NUP93: variants seen among roughly 807,000 people sequenced by gnomAD.
The protein encoded by NUP93 is nuclear pore complex protein Nup93.
A neutral mutation model predicts 107.8 loss-of-function variants in NUP93; 55 were observed. The observed-to-expected ratio is 0.51, with a 90% CI of 0.41 to 0.64. The LOEUF is 0.64. Ranked by LOEUF, NUP93 falls within the 30% of genes least tolerant of loss-of-function variation. The pLI is 0.00. For missense variants in NUP93, 937 were observed against 1,044.7 expected (o/e 0.90, Z 1.42); for synonymous variants, 390 against 397.5 (o/e 0.98, Z 0.22).
intron 5 of NUP93, among the ~76,000 whole-genome samples, chr16:56,817,627 A>G (rs1963460056): frequency 6.6e-6 from 1 of 152,216 alleles, no homozygotes; most frequent in South Asian, 2.1e-4. Flanking sequence ...AAGCTTGGCT[A>G]AAGATGAATA....
At chr16:56,758,403 A>G (rs1176122678) in intron 2 of NUP93, 135 bp from the exon 3 acceptor site, 2 of 676,408 alleles carry the variant, frequency 3.0e-6, no homozygotes, top group Non-Finnish European at 5.3e-6. Context: ...ACAACTATGT[A>G]AAAGTGTCTG....
Position 56,813,838 on chromosome 16 carries a change from C to T in NUP93, c.490-4826C>T, listed in dbSNP as rs116833596. Among the ~76,000 whole-genome samples, 445 of 152,276 alleles carry T rather than the reference C, an allele frequency of 2.9e-3. 3 individuals carry two copies. Among genetic ancestry groups the T allele is most frequent in the African/African-American group, 0.01 (425 of 41,540 alleles). On this transcript the variant is annotated intron_variant, in intron 5 of 21. Coordinates refer to ENST00000308159, the MANE Select transcript of NUP93 (RefSeq NM_014669.5). ...AGGTGTCTGTCGTTTTTTAGTAGTTCTAATAGTGTTCCAGCCTATGTGTGG... is the reference window on the plus strand; with the variant it reads ...AGGTGTCTGTCGTTTTTTAGTAGTTTTAATAGTGTTCCAGCCTATGTGTGG...
intron 18 of NUP93, among the ~76,000 whole-genome samples, chr16:56,838,697 C>G (rs1323573946): frequency 1.3e-5 from 2 of 152,268 alleles, no homozygotes; most frequent in Admixed American, 6.5e-5. Flanking sequence ...TCCTGAGTAA[C>G]TAGGACTACA....
rs113669783 is a variant in NUP93 at position 56,818,456 on chromosome 16, A to G, written c.490-208A>G. 4.5e-3 allele frequency among the ~76,000 whole-genome samples: 683 copies of G among 152,294 alleles called. 6 individuals carry two copies. The highest frequency in any genetic ancestry group is 0.016 in the African/African-American group (659 of 41,574). On this transcript the variant is annotated intron_variant, in intron 5 of 21. Coordinates refer to ENST00000308159, the MANE Select transcript of NUP93 (RefSeq NM_014669.5). ...CCCCTCACTCTTTTTTAGTTAATCCAATCTCATGCCTGCTCTCTTCTCATG... is the reference window on the plus strand; with the variant it reads ...CCCCTCACTCTTTTTTAGTTAATCCGATCTCATGCCTGCTCTCTTCTCATG...
At chr16:56,816,332 G>A (rs1963431514) in intron 5 of NUP93, among the ~76,000 whole-genome samples, 1 of 152,184 alleles carries the variant, frequency 6.6e-6, no homozygotes, top group African/African-American at 2.4e-5. Flanking sequence ...GCTGTGACAG[G>A]TGGAAACCTT....
chr16:56,796,822 C>G (rs1962909142), intron 3 of NUP93, among the ~76,000 whole-genome samples: 1 of 152,026 alleles, frequency 6.6e-6, no homozygotes, highest in African/African-American at 2.4e-5. Context: ...ACTAAGAATA[C>G]AAAAATTAGC....
intron 2 of NUP93, among the ~76,000 whole-genome samples, chr16:56,754,516 G>A (rs1961982177): frequency 6.6e-6 from 1 of 152,234 alleles, no homozygotes; most frequent in Non-Finnish European, 1.5e-5. Flanking sequence ...AAGATACAAT[G>A]GGGGTACAGG....
chr16:56,800,759 G>A (rs1270475357), intron 4 of NUP93, among the ~76,000 whole-genome samples: 1 of 152,184 alleles, frequency 6.6e-6, no homozygotes, highest in Non-Finnish European at 1.5e-5. Flanking sequence ...TTCCCCATTT[G>A]GTACATCCAG....
Position 56,821,567 on chromosome 16 carries a change from G to C in NUP93, c.628G>C (p.Ala210Pro), listed in dbSNP as rs779332625. 1.2e-6 allele frequency: 2 copies of C among 1,613,242 alleles called. No homozygotes were observed. Among genetic ancestry groups the C allele is most frequent in the East Asian group, 4.5e-5 (2 of 44,882 alleles). ...HLQPNLVDLC[A>P]SVAELDDKSI... ...GCAGCCTAACCTGGTGGACCTTTGT[G>C]CTTCCGTCGCAGAGCTCGATGATAA... is the stretch of plus-strand genomic sequence containing the variant. Residue 210 changes from alanine to proline, a missense_variant, in exon 7 of 22, where the codon GCT becomes CCT. Transcript: ENST00000308159.
At chr16:56,839,436 G>A in intron 19 of NUP93, 85 bp from the exon 20 acceptor site, 2 of 1,040,658 alleles carry the variant, frequency 1.9e-6, no homozygotes, top group Non-Finnish European at 2.8e-6. Context: ...GCCCTTTGGA[G>A]TATGTGAGGT....
At chr16:56,783,212 G>C (rs920648477) in intron 3 of NUP93, among the ~76,000 whole-genome samples, 7 of 152,190 alleles carry the variant, frequency 4.6e-5, no homozygotes, top group African/African-American at 1.7e-4. Flanking sequence ...TGTGGGGTCT[G>C]GACCTCTTTC....
intron 3 of NUP93, among the ~76,000 whole-genome samples, chr16:56,772,242 T>C (rs1485551264): frequency 3.9e-5 from 6 of 152,124 alleles, no homozygotes; most frequent in Non-Finnish European, 8.8e-5. Flanking sequence ...ATTTTTCTGA[T>C]CAAGTGTTAG....
At chr16:56,756,938 C>A (rs1440838562) in intron 2 of NUP93, among the ~76,000 whole-genome samples, 1 of 151,986 alleles carries the variant, frequency 6.6e-6, no homozygotes, top group Non-Finnish European at 1.5e-5. Flanking sequence ...GCATAAATGT[C>A]TTCTTTTGAG....
intron 3 of NUP93, among the ~76,000 whole-genome samples, chr16:56,794,330 T>G (rs1962840552): frequency 6.6e-6 from 1 of 152,096 alleles, no homozygotes; most frequent in Non-Finnish European, 1.5e-5. Flanking sequence ...GGTCTTTGTT[T>G]ATATGTGGGT....
chr16:56,812,587 C>T (rs1215778351), intron 5 of NUP93, among the ~76,000 whole-genome samples: 1 of 152,110 alleles, frequency 6.6e-6, no homozygotes, highest in African/African-American at 2.4e-5. Flanking sequence ...TTGTGATCTG[C>T]CCGCCTCGGC....
At chr16:56,810,913 G>A (rs538921395) in intron 5 of NUP93, among the ~76,000 whole-genome samples, 9 of 152,262 alleles carry the variant, frequency 5.9e-5, no homozygotes, top group African/African-American at 2.2e-4. Flanking sequence ...AGTATCTACT[G>A]TTGTTTCTAG....
At chr16:56,841,503 T>TGA in intron 20 of NUP93, 3 of 572,136 alleles carry the variant, frequency 5.2e-6, no homozygotes, top group Non-Finnish European at 9.1e-6. Context: ...CCACCTGACC[T>TGA]GAGCAGCATT....
In NUP93 at chr16:56,828,194, T is replaced by TAAA. The variant is rs34184189; in HGVS notation, c.795-765_795-763dup. Among the ~76,000 whole-genome samples the TAAA allele has an allele frequency of 3.1e-3, 357 of 113,376 alleles. 7 individuals are homozygous for TAAA. Among genetic ancestry groups the TAAA allele is most frequent in the East Asian group, 7.0e-3 (28 of 4,004 alleles). The allele number at this position is 113,376 out of a possible 152,430, so 74.4% of individuals were successfully genotyped here. On this transcript the variant is annotated intron_variant, in intron 8 of 21. Transcript: ENST00000308159. ...GGAACCACAACAAGACCCTGCCTCT[T>TAAA]AAAAAAAAAAAAAAAAAAAAGATCA...
chr16:56,733,258 T>C (rs1369720261), intron 1 of NUP93, among the ~76,000 whole-genome samples: 1 of 152,114 alleles, frequency 6.6e-6, no homozygotes, highest in Non-Finnish European at 1.5e-5. Context: ...GAGCATCTTA[T>C]TCTGTAGGGG....
Sources: allele counts gnomAD v4.1 joint callset (sites outside exome capture counted in the v4.1 genomes callset), GRCh38; gene constraint gnomAD v4.1.1; transcripts MANE v1.5; gene names NCBI Gene and HGNC (gene_info 2026-07-23, HGNC 2026-07-21).